C1orf21: variants seen among roughly 807,000 people sequenced by gnomAD.
C1orf21 encodes the protein chromosome 1 open reading frame 21.
In C1orf21, 3 loss-of-function variants were observed where a neutral mutation model predicts 18.7. The observed-to-expected ratio is 0.16, with a 90% CI of 0.07 to 0.42. The LOEUF (loss-of-function observed/expected upper bound fraction) is 0.42. Among genes scored for constraint, C1orf21 ranks in the 10% least tolerant of loss-of-function variants. C1orf21 has a pLI of 0.99. For synonymous variants in C1orf21, 41 were observed against 46.4 expected (o/e 0.88, Z 0.47); for missense variants, 104 against 143.6 (o/e 0.72, Z 1.41).
intron 1 of C1orf21, among the ~76,000 whole-genome samples, chr1:184,463,416 T>C (rs559612152): frequency 6.6e-6 from 1 of 152,360 alleles, no homozygotes; most frequent in African/African-American, 2.4e-5. Context: ...TGTGTAATTA[T>C]ACTCTCAACA....
At chr1:184,530,438 A>G (rs992233373) in intron 3 of C1orf21, among the ~76,000 whole-genome samples, 7 of 151,660 alleles carry the variant, frequency 4.6e-5, no homozygotes, top group South Asian at 2.1e-4. Flanking sequence ...GATGAAGGCA[A>G]TGATGATGAT....
At chr1:184,561,537 CTTT>C (rs1317385973) in intron 3 of C1orf21, among the ~76,000 whole-genome samples, 2 of 152,156 alleles carry the variant, frequency 1.3e-5, no homozygotes, top group Non-Finnish European at 2.9e-5. Context: ...TCTCCTAAAT[CTTT>C]TTAAGTTGCT....
chr1:184,439,988 C>G (rs1434695761), intron 1 of C1orf21, among the ~76,000 whole-genome samples: 3 of 152,178 alleles, frequency 2.0e-5, no homozygotes, highest in Non-Finnish European at 4.4e-5. Flanking sequence ...TCCAAAGACA[C>G]TGAACCCTGA....
chr1:184,420,296 T>TG (rs1009688738), intron 1 of C1orf21, among the ~76,000 whole-genome samples: 4 of 151,466 alleles, frequency 2.6e-5, no homozygotes, highest in Admixed American at 6.6e-5. Flanking sequence ...ATTACTTTTG[T>TG]GGGGGGGTGG....
At chr1:184,476,573 A>G (rs1031040232) in intron 1 of C1orf21, among the ~76,000 whole-genome samples, 4 of 152,204 alleles carry the variant, frequency 2.6e-5, no homozygotes, top group Non-Finnish European at 2.9e-5. Flanking sequence ...AGGTAAAGTC[A>G]CTTAAGTCAA....
chr1:184,402,733 T>G (rs1338679268), intron 1 of C1orf21, among the ~76,000 whole-genome samples: 1 of 152,198 alleles, frequency 6.6e-6, no homozygotes, highest in Non-Finnish European at 1.5e-5. Context: ...CCTCTATTGG[T>G]CTGTCCCTTC....
At chr1:184,445,480 A>G (rs529097687) in intron 1 of C1orf21, among the ~76,000 whole-genome samples, 8 of 105,328 alleles carry the variant, frequency 7.6e-5, no homozygotes, top group African/African-American at 1.1e-4. Flanking sequence ...ATTTATCTGG[A>G]CCTTTTTTTT....
At chr1:184,558,060 C>T (rs1283309006) in intron 3 of C1orf21, among the ~76,000 whole-genome samples, 1 of 152,138 alleles carries the variant, frequency 6.6e-6, no homozygotes, top group African/African-American at 2.4e-5. Flanking sequence ...CCTGCTTTAC[C>T]GTTTTGGTTT....
intron 3 of C1orf21, among the ~76,000 whole-genome samples, chr1:184,513,181 T>C (rs1474432048): frequency 1.3e-5 from 2 of 152,156 alleles, no homozygotes; most frequent in Non-Finnish European, 2.9e-5. Context: ...TGTATTAAAG[T>C]ATTAGAAGAA....
At chr1:184,564,395 G>A (rs757754538) in intron 3 of C1orf21, among the ~76,000 whole-genome samples, 3 of 152,046 alleles carry the variant, frequency 2.0e-5, no homozygotes, top group South Asian at 4.1e-4. Flanking sequence ...TGCAACCTGC[G>A]CCTCCCAGGT....
intron 3 of C1orf21, among the ~76,000 whole-genome samples, chr1:184,547,670 T>A (rs1658745258): frequency 6.6e-6 from 1 of 152,188 alleles, no homozygotes; most frequent in Admixed American, 6.5e-5. Flanking sequence ...TCTCTTTTAT[T>A]TTGGCAGCAT....
chr1:184,437,752 A>G (rs890013346), intron 1 of C1orf21, among the ~76,000 whole-genome samples: 1 of 152,014 alleles, frequency 6.6e-6, no homozygotes, highest in African/African-American at 2.4e-5. Flanking sequence ...TTATTATTAC[A>G]TTGTAATATA....
At chr1:184,488,915 A>G (rs1159904801) in intron 2 of C1orf21, among the ~76,000 whole-genome samples, 1 of 152,186 alleles carries the variant, frequency 6.6e-6, no homozygotes, top group Non-Finnish European at 1.5e-5. Flanking sequence ...CAGTGAGCCA[A>G]GATCATGCCA....
chr1:184,474,244 AT>A (rs1427232401), intron 1 of C1orf21, among the ~76,000 whole-genome samples: 2 of 152,228 alleles, frequency 1.3e-5, no homozygotes, highest in African/African-American at 4.8e-5. Flanking sequence ...ATACCTATTT[AT>A]AATTTGGTGA....
chr1:184,602,615 C>T lies in C1orf21; in HGVS notation c.327+4154C>T, dbSNP rs528117598. Among the ~76,000 whole-genome samples, 20 of 152,276 alleles carry T rather than the reference C, an allele frequency of 1.3e-4. 1 individual carries two copies. In the East Asian group the frequency reaches 3.7e-3, roughly 28 times the overall value. Reference sequence around the variant, plus strand: ...GGAGCAAAATAGTGATTTTAAACTTCATTTTTTCACTGTACCTAGAGAGGG... The same window carrying T: ...GGAGCAAAATAGTGATTTTAAACTTTATTTTTTCACTGTACCTAGAGAGGG... On this transcript the variant is annotated intron_variant, in intron 5 of 5. Coordinates refer to ENST00000235307, the MANE Select transcript of C1orf21 (RefSeq NM_030806.4).
chr1:184,462,825 T>C (rs1185334035), intron 1 of C1orf21, among the ~76,000 whole-genome samples: 1 of 152,114 alleles, frequency 6.6e-6, no homozygotes, highest in Non-Finnish European at 1.5e-5. Context: ...CTCATGCCTG[T>C]GATCCCAGCA....
chr1:184,481,260 T>C (rs548910791), intron 2 of C1orf21, among the ~76,000 whole-genome samples: 1 of 152,332 alleles, frequency 6.6e-6, no homozygotes, highest in South Asian at 2.1e-4. Flanking sequence ...ACTGTTTCTT[T>C]CTTGATTATG....
Position 184,603,701 on chromosome 1 carries a change from A to G in C1orf21, c.327+5240A>G, listed in dbSNP as rs570392089. 2.5e-4 allele frequency among the ~76,000 whole-genome samples: 38 copies of G among 152,340 alleles called. No individual in the cohort carries two copies. In the South Asian group the frequency reaches 7.7e-3, roughly 31 times the overall value. Reference sequence around the variant, plus strand: ...TCCCAGCTACTCGGGAGGCTGAGGCATGAGAATCGCTTGGACCTGGGAAGT... The same window carrying G: ...TCCCAGCTACTCGGGAGGCTGAGGCGTGAGAATCGCTTGGACCTGGGAAGT... On this transcript the variant is annotated intron_variant, in intron 5 of 5. Transcript: ENST00000235307.
intron 3 of C1orf21, among the ~76,000 whole-genome samples, chr1:184,514,951 A>G (rs1297930756): frequency 6.6e-6 from 1 of 152,186 alleles, no homozygotes; most frequent in Non-Finnish European, 1.5e-5. Flanking sequence ...TAGATTAAAA[A>G]CTGGGTGGAT....
Sources: gnomAD v4.1 joint callset for allele counts (sites outside exome capture counted in the v4.1 genomes callset) on GRCh38, gnomAD v4.1.1 for gene constraint, MANE v1.5 for transcripts, NCBI Gene and HGNC (gene_info 2026-07-23, HGNC 2026-07-21) for gene names.